Variants in LIN7C observed in about 807,000 individuals in gnomAD.
The protein encoded by LIN7C is protein lin-7 homolog C.
In LIN7C, 17 loss-of-function variants were observed where a neutral mutation model predicts 24.7. The observed-to-expected ratio is 0.69, with a 90% CI of 0.47 to 1.03. The LOEUF (loss-of-function observed/expected upper bound fraction) is 1.03, where lower values mean the gene tolerates loss of function less well. Ranked by LOEUF, LIN7C falls within the 50% of genes least tolerant of loss-of-function variation. LIN7C has a pLI of 0.00. For synonymous variants in LIN7C, 90 were observed against 83.4 expected (o/e 1.08, Z -0.43); for missense variants, 204 against 239.0 (o/e 0.85, Z 0.97).
intron 4 of LIN7C, 126 bp downstream of exon 4, chr11:27,499,233 A>T: frequency 1.4e-6 from 1 of 697,842 alleles, no homozygotes; most frequent in South Asian, 1.9e-5. Flanking sequence ...CTGTATTAAT[A>T]GTACTGCCTA....
chr11:27,501,489 A>G lies in LIN7C; in HGVS notation c.228+6T>C, dbSNP rs1352447440. ...ATTCTTACTTTTGGAAAACAAAAAA[A>G]TTTACCTTTGCAGTAGCGTTCGCTC... On this transcript the variant is annotated splice_donor_region_variant and intron_variant, in intron 3 of 4. Transcript: ENST00000278193. 6.3e-7 allele frequency: 1 copy of G among 1,577,658 alleles called. No individual in the cohort carries two copies. The highest frequency in any genetic ancestry group is 1.2e-5 in the South Asian group (1 of 85,246).
In LIN7C at chr11:27,495,738, TAAAAAAAAGAAAAAAGA is replaced by T. The variant is rs1338613682; in HGVS notation, c.*2894_*2910del. The T allele has an allele frequency of 1.3e-5, 2 of 148,956 alleles. No individual in the cohort carries two copies. Among genetic ancestry groups the T allele is most frequent in the East Asian group, 3.9e-4 (2 of 5,112 alleles). 9.2% of individuals were successfully genotyped at this position (148,956 alleles called of 1,614,324 possible). On this transcript the variant is annotated 3_prime_UTR_variant, in exon 5 of 5. Coordinates refer to ENST00000278193, the MANE Select transcript of LIN7C (RefSeq NM_018362.4). ...CATTTAAATTACTGGTAGATTTTAT[TAAAAAAAAGAAAAAAGA>T]AAAAAAAAGATAAGACTGTAATTAC... is the stretch of plus-strand genomic sequence containing the variant.
chr11:27,498,632 T>C lies in LIN7C; in HGVS notation c.*17A>G. On this transcript the variant is annotated 3_prime_UTR_variant, in exon 5 of 5. Coordinates refer to ENST00000278193, the MANE Select transcript of LIN7C (RefSeq NM_018362.4). ...TCTAGCTAAAACGCAAAATGAAATA[T>C]CAAGTTTTGAAATGTATTAGGTCTG... 2.5e-6 allele frequency: 4 copies of C among 1,600,504 alleles called. No homozygotes were observed. Among genetic ancestry groups the C allele is most frequent in the Non-Finnish European group, 2.6e-6 (3 of 1,173,814 alleles).
rs1048963797 is a variant in LIN7C at position 27,495,789 on chromosome 11, T to A, written c.*2860A>T. The A allele has an allele frequency of 2.0e-5, 3 of 151,270 alleles. No individual in the cohort carries two copies. Among genetic ancestry groups the A allele is most frequent in the African/African-American group, 7.3e-5 (3 of 41,204 alleles). The allele number at this position is 151,270 out of a possible 1,614,324, so 9.4% of individuals were successfully genotyped here. Reference sequence around the variant, plus strand: ...GATAAGACTGTAATTACTTCCCAAATAAGGAATGCCAAGTACCTTTTATTC... The same window carrying A: ...GATAAGACTGTAATTACTTCCCAAAAAAGGAATGCCAAGTACCTTTTATTC... On this transcript the variant is annotated 3_prime_UTR_variant, in exon 5 of 5. Transcript: ENST00000278193.
intron 1 of LIN7C, among the ~76,000 whole-genome samples, chr11:27,504,881 T>C (rs1161180203): frequency 6.6e-6 from 1 of 152,174 alleles, no homozygotes; most frequent in Non-Finnish European, 1.5e-5. Context: ...GGTTGAAATA[T>C]GGAACCCATG....
At chr11:27,505,399 C>T (rs1865269941) in intron 1 of LIN7C, among the ~76,000 whole-genome samples, 1 of 152,180 alleles carries the variant, frequency 6.6e-6, no homozygotes, top group African/African-American at 2.4e-5. Context: ...AAAGAAAAAA[C>T]TTACTCCTGT....
chr11:27,505,120 C>T (rs1025685491), intron 1 of LIN7C, among the ~76,000 whole-genome samples: 6 of 152,092 alleles, frequency 3.9e-5, no homozygotes, highest in African/African-American at 1.4e-4. Flanking sequence ...ACTTCCTAAG[C>T]TCAAGAGTTC....
At chr11:27,506,683 C>T in intron 1 of LIN7C, 33 bp downstream of exon 1, 2 of 1,612,704 alleles carry the variant, frequency 1.2e-6, no homozygotes, top group Non-Finnish European at 1.7e-6. Flanking sequence ...CCAACCCTTC[C>T]GCCCACCTCC....
intron 4 of LIN7C, 69 bp from the exon 5 acceptor site, chr11:27,498,873 A>G: frequency 7.6e-7 from 1 of 1,323,834 alleles, no homozygotes; most frequent in Non-Finnish European, 1.1e-6. Context: ...AAATGCAAAA[A>G]TGTTTACAAT....
Position 27,496,255 on chromosome 11 carries a change from G to A in LIN7C, c.*2394C>T, listed in dbSNP as rs558033517. ...GCCAGGCTAATATGTAGCTAAGATTGAGAATCACTAAGTCAACACATTTTG... is the reference window on the plus strand; with the variant it reads ...GCCAGGCTAATATGTAGCTAAGATTAAGAATCACTAAGTCAACACATTTTG... On this transcript the variant is annotated 3_prime_UTR_variant, in exon 5 of 5. Transcript: ENST00000278193. The A allele has an allele frequency of 2.6e-5, 4 of 151,898 alleles. No individual in the cohort carries two copies. Among genetic ancestry groups the A allele is most frequent in the Non-Finnish European group, 5.9e-5 (4 of 67,998 alleles). 9.4% of individuals were successfully genotyped at this position (151,898 alleles called of 1,614,324 possible).
In LIN7C at chr11:27,501,959, G is replaced by A. The variant is rs201164987; in HGVS notation, c.38-39C>T. The A allele has an allele frequency of 5.1e-5, 67 of 1,321,662 alleles. No individual in the cohort carries two copies. In the African/African-American group the frequency reaches 9.0e-4, roughly 18 times the overall value. 81.9% of individuals were successfully genotyped at this position (1,321,662 alleles called of 1,614,324 possible). A position where few individuals can be genotyped will look rare whatever the true frequency, so the allele number is the denominator to read the frequency against. On this transcript the variant is annotated intron_variant, in intron 1 of 4. Transcript: ENST00000278193. ...CACACACAGATAATTTTCTCCAAGG[G>A]TTTTCTCAATGCCTATGTAACAGTG... is the stretch of plus-strand genomic sequence containing the variant.
At chr11:27,504,527 A>C (rs1001795083) in intron 1 of LIN7C, among the ~76,000 whole-genome samples, 5 of 152,220 alleles carry the variant, frequency 3.3e-5, no homozygotes, top group African/African-American at 1.2e-4. Flanking sequence ...AATTCTAAAC[A>C]AGAATCAGAG....
chr11:27,501,642 ATGCATCTTTAT>A, intron 2 of LIN7C, 76 bp from the exon 3 acceptor site: 28 of 1,072,186 alleles, frequency 2.6e-5, no homozygotes, highest in Non-Finnish European at 3.5e-5. Flanking sequence ...AGGCAAAGTT[ATGCATCTTTAT>A]AAAATGGTTT....
At position 27,494,566 on chromosome 11, in the gene LIN7C, A is replaced by G. The variant is rs1865144626; in HGVS notation, c.*4083T>C. 6.6e-6 allele frequency: 1 copy of G among 152,214 alleles called. No individual in the cohort carries two copies. Among genetic ancestry groups the G allele is most frequent in the Admixed American group, 6.5e-5 (1 of 15,278 alleles). The allele number at this position is 152,214 out of a possible 1,614,324, so 9.4% of individuals were successfully genotyped here. ...ATATCAACTTTTTTCAAATCCAAAG[A>G]ACGAGGACATAACTCATACAAATTT... is the stretch of plus-strand genomic sequence containing the variant. On this transcript the variant is annotated 3_prime_UTR_variant, in exon 5 of 5. Transcript: ENST00000278193.
At position 27,499,520 on chromosome 11, in the gene LIN7C, C is replaced by T; in HGVS notation, c.277G>A (p.Val93Ile). The T allele has an allele frequency of 1.2e-6, 2 of 1,614,222 alleles. No homozygotes were observed. Among genetic ancestry groups the T allele is most frequent in the African/African-American group, 1.3e-5 (1 of 75,074 alleles). Reference protein sequence around the residue: ...AASEGHSHPRVVELPKTEEGL... With the variant: ...AASEGHSHPRIVELPKTEEGL... ...TCTTCTGTTTTTGGTAGCTCAACAA[C>T]TCGAGGATGAGAATGTCCTTCACTG... The change falls in exon 4 of 5, where the codon GTT becomes ATT. Residue 93 changes from valine (V) to isoleucine (I), a missense_variant. Around this residue, in one of 3 missense-constraint regions of LIN7C, gnomAD observed 126 missense variants for 117.8 expected, o/e 1.07. Transcript: ENST00000278193.
chr11:27,504,119 G>A (rs147709190), intron 1 of LIN7C, among the ~76,000 whole-genome samples: 108 of 152,228 alleles, frequency 7.1e-4, no homozygotes, highest in African/African-American at 1.3e-3. Context: ...CGCCTGGCCA[G>A]AAAGCAGATT....
intron 3 of LIN7C, among the ~76,000 whole-genome samples, chr11:27,500,257 C>T (rs1338769133): frequency 6.6e-6 from 1 of 152,124 alleles, no homozygotes; most frequent in Non-Finnish European, 1.5e-5. Context: ...TCTGGATCTC[C>T]CAACTCCTTC....
At chr11:27,504,477 T>C (rs1213676649) in intron 1 of LIN7C, among the ~76,000 whole-genome samples, 1 of 152,106 alleles carries the variant, frequency 6.6e-6, no homozygotes, top group Non-Finnish European at 1.5e-5. Context: ...GATTTTCTAC[T>C]TTAGGATCGT....
chr11:27,501,970 G>T, intron 1 of LIN7C, 50 bp from the exon 2 acceptor site: 1 of 1,153,556 alleles, frequency 8.7e-7, no homozygotes, highest in Non-Finnish European at 1.3e-6. Context: ...TTTTCTCAAT[G>T]CCTATGTAAC....
Sources: allele counts gnomAD v4.1 joint callset (sites outside exome capture counted in the v4.1 genomes callset), GRCh38; gene constraint gnomAD v4.1.1; regional missense constraint gnomAD v4.1.1; transcripts MANE v1.5; gene names NCBI Gene and HGNC (gene_info 2026-07-23, HGNC 2026-07-21).